Variants in LARS2 observed in about 807,000 individuals in gnomAD.
LARS2 encodes leucyl-tRNA synthetase 2, mitochondrial.
A neutral mutation model predicts 116.6 loss-of-function variants in LARS2; 81 were observed. The ratio of observed to expected loss-of-function variants is 0.69; its 90% CI spans 0.58 to 0.84. The LOEUF is 0.84. Ranked by LOEUF, LARS2 falls within the 40% of genes least tolerant of loss-of-function variation. The pLI, the probability that LARS2 is intolerant of heterozygous loss-of-function variation, is 0.00. For missense variants in LARS2, 968 were observed against 1,114.5 expected, an observed-to-expected ratio of 0.87 and a Z score of 1.87; for synonymous variants, 396 against 407.2, an observed-to-expected ratio of 0.97 and a Z score of 0.33.
intron 8 of LARS2, among the ~76,000 whole-genome samples, chr3:45,460,744 G>A (rs2125711280): frequency 6.6e-6 from 1 of 152,276 alleles, no homozygotes; most frequent in South Asian, 2.1e-4. Context: ...GGGCTGTGCA[G>A]TACTGGAAAA....
At chr3:45,501,289 C>T (rs1700117256) in intron 15 of LARS2, among the ~76,000 whole-genome samples, 1 of 150,766 alleles carries the variant, frequency 6.6e-6, no homozygotes, top group African/African-American at 2.4e-5. Context: ...CCACCTCGCC[C>T]CTAGCTAATA....
intron 4 of LARS2, among the ~76,000 whole-genome samples, chr3:45,417,073 CA>C (rs1172623065): frequency 9.9e-4 from 67 of 67,690 alleles, no homozygotes; most frequent in African/African-American, 2.2e-3. Context: ...GACTCTGTCT[CA>C]AAAAAAAAAA....
intron 15 of LARS2, among the ~76,000 whole-genome samples, 161 bp downstream of exon 15, chr3:45,500,740 T>C (rs898744289): frequency 6.6e-6 from 1 of 152,240 alleles, no homozygotes; most frequent in African/African-American, 2.4e-5. Context: ...TCCATTTATA[T>C]TGCGTAGTCA....
At chr3:45,419,421 T>C (rs1698481037) in intron 5 of LARS2, among the ~76,000 whole-genome samples, 1 of 152,226 alleles carries the variant, frequency 6.6e-6, no homozygotes, top group Non-Finnish European at 1.5e-5. Context: ...GAAGGGGCAG[T>C]TCTCAAGGCC....
At chr3:45,455,271 T>G (rs572534785) in intron 7 of LARS2, among the ~76,000 whole-genome samples, 9 of 150,422 alleles carry the variant, frequency 6.0e-5, no homozygotes, top group Admixed American at 2.0e-4. Context: ...GAAAATACAG[T>G]CCTATTTGTT....
intron 20 of LARS2, among the ~76,000 whole-genome samples, chr3:45,540,467 C>G (rs17077990): frequency 0.27 from 40,741 of 152,002 alleles, 5,781 homozygotes; most frequent in Middle Eastern, 0.4. Flanking sequence ...AGCCCATACC[C>G]TGAGCCATAG....
intron 15 of LARS2, among the ~76,000 whole-genome samples, chr3:45,506,641 C>T (rs951087342): frequency 1.3e-5 from 2 of 152,002 alleles, no homozygotes; most frequent in Non-Finnish European, 2.9e-5. Context: ...AGCTGTGAAA[C>T]AGGAATCCAA....
chr3:45,477,208 G>T (rs1197391205), intron 10 of LARS2, among the ~76,000 whole-genome samples: 1 of 152,216 alleles, frequency 6.6e-6, no homozygotes, highest in Non-Finnish European at 1.5e-5. Context: ...AGATTCTGTG[G>T]TTGCAAGCAA....
At chr3:45,459,323 A>G (rs1258059895) in intron 8 of LARS2, among the ~76,000 whole-genome samples, 1 of 152,212 alleles carries the variant, frequency 6.6e-6, no homozygotes, top group African/African-American at 2.4e-5. Context: ...ACTTTGGTGC[A>G]TGTCTTTCCC....
Position 45,394,466 on chromosome 3 carries a change from T to C in LARS2, c.13T>C (p.Trp5Arg). Reference protein sequence around the residue: MASVWQRLGFYASLL... With the variant: MASVRQRLGFYASLL... The stretch of plus-strand genomic sequence containing the variant: ...CACCTTCTGAAGAATGGCTTCTGTT[T>C]GGCAGAGATTGGGTTTTTATGCCTC... Residue 5 changes from tryptophan (W) to arginine (R), a missense_variant, in exon 3 of 22, where the codon TGG (tryptophan) becomes CGG (arginine). Physicochemically the swap from Trp to Arg is moderately radical, Grantham distance 101. Transcript: ENST00000645846. 6.2e-7 allele frequency: 1 copy of C among 1,613,986 alleles called. No homozygotes were observed. The highest frequency in any genetic ancestry group is 8.5e-7 in the Non-Finnish European group (1 of 1,179,856).
Position 45,513,253 on chromosome 3 carries a change from G to C in LARS2, c.1861+18G>C. On this transcript the variant is annotated intron_variant, in intron 16 of 21. Coordinates refer to ENST00000645846, the MANE Select transcript of LARS2 (RefSeq NM_015340.4). The stretch of plus-strand genomic sequence containing the variant: ...TCTCACAGGTAAGAATGGCCCATCT[G>C]GTCCCATCCAGGTACTCCCAGAGAG... 1 of 1,516,692 alleles carries C rather than the reference G, an allele frequency of 6.6e-7. No homozygotes were observed. The highest frequency in any genetic ancestry group is 1.1e-5 in the South Asian group (1 of 89,086). The allele number at this position is 1,516,692 out of a possible 1,614,324, so 94.0% of individuals were successfully genotyped here. A position where few individuals can be genotyped will look rare whatever the true frequency, so the allele number is the denominator to read the frequency against.
intron 20 of LARS2, among the ~76,000 whole-genome samples, chr3:45,524,788 TA>T (rs199748034): frequency 1.3e-5 from 2 of 151,998 alleles, no homozygotes; most frequent in Admixed American, 6.6e-5. Flanking sequence ...AGATTTCTTC[TA>T]AAAAAAAGAT....
At chr3:45,522,411 G>A (rs1700468641) in intron 19 of LARS2, among the ~76,000 whole-genome samples, 1 of 152,134 alleles carries the variant, frequency 6.6e-6, no homozygotes, top group South Asian at 2.1e-4. Flanking sequence ...ATCAGAAACT[G>A]TTTATGATAT....
intron 11 of LARS2, among the ~76,000 whole-genome samples, chr3:45,486,661 G>T (rs1386307012): frequency 6.6e-6 from 1 of 152,152 alleles, no homozygotes; most frequent in Non-Finnish European, 1.5e-5. Context: ...TTGAAGAAAC[G>T]TCAAAGCAGA....
Position 45,524,098 on chromosome 3 carries a change from G to C in LARS2, c.2394G>C (p.Glu798Asp). 6.2e-7 allele frequency: 1 copy of C among 1,608,658 alleles called. No individual in the cohort carries two copies. The highest frequency in any genetic ancestry group is 1.1e-5 in the South Asian group (1 of 90,994). ...CACTGGCCCCTCATGTAACCTCAGA[G>C]ATCTGGGCAGGTACGTGGCAGAGTC... ...AAPLAPHVTS[E>D]IWAGLALVPR... The change falls in exon 20 of 22, where the codon GAG (glutamate) becomes GAC (aspartate). Residue 798 changes from glutamate to aspartate, a missense_variant. Physicochemically the swap from Glu to Asp is conservative, Grantham distance 45. Coordinates refer to ENST00000645846, the MANE Select transcript of LARS2 (RefSeq NM_015340.4).
intron 6 of LARS2, among the ~76,000 whole-genome samples, chr3:45,425,628 T>A (rs1414638797): frequency 6.6e-6 from 1 of 152,206 alleles, no homozygotes; most frequent in African/African-American, 2.4e-5. Flanking sequence ...AACATTGAGG[T>A]GTTCATGGTG....
intron 4 of LARS2, among the ~76,000 whole-genome samples, chr3:45,407,256 TC>T (rs1559458201): frequency 6.6e-6 from 1 of 152,246 alleles, no homozygotes; most frequent in Non-Finnish European, 1.5e-5. Flanking sequence ...CCATCAGTTT[TC>T]AGTTTGCCAG....
chr3:45,415,860 A>AAATAT (rs1553627793), intron 4 of LARS2, among the ~76,000 whole-genome samples: 8 of 92,736 alleles, frequency 8.6e-5, no homozygotes, highest in African/African-American at 4.0e-4. Flanking sequence ...AAAAAAAAAA[A>AAATAT]ATATATATAT....
At chr3:45,440,749 G>A (rs1469453442) in intron 6 of LARS2, among the ~76,000 whole-genome samples, 2 of 152,102 alleles carry the variant, frequency 1.3e-5, no homozygotes, top group Non-Finnish European at 2.9e-5. Flanking sequence ...GCAGTGTGGG[G>A]GTGGAGGCAA....
Sources: allele counts gnomAD v4.1 joint callset (sites outside exome capture counted in the v4.1 genomes callset), GRCh38; gene constraint gnomAD v4.1.1; transcripts MANE v1.5; gene names NCBI Gene and HGNC (gene_info 2026-07-23, HGNC 2026-07-21).